WWTR1: variants seen among roughly 807,000 people sequenced by gnomAD.
WWTR1 encodes WW domain containing transcription regulator 1.
In WWTR1, 13 loss-of-function variants were observed where a neutral mutation model predicts 40.1. That is an observed-to-expected ratio of 0.32 (90% confidence interval 0.21 to 0.52). The LOEUF (loss-of-function observed/expected upper bound fraction) is 0.52. Ranked by LOEUF, WWTR1 falls within the 20% of genes least tolerant of loss-of-function variation. The pLI is 0.97. For synonymous variants in WWTR1, 230 were observed against 210.1 expected, an observed-to-expected ratio of 1.09 and a Z score of -0.82; for missense variants, 436 against 523.1, an observed-to-expected ratio of 0.83 and a Z score of 1.63.
At chr3:149,553,034 G>A (rs961491488) in intron 3 of WWTR1, among the ~76,000 whole-genome samples, 4 of 152,184 alleles carry the variant, frequency 2.6e-5, no homozygotes, top group African/African-American at 9.6e-5. Context: ...TGAACACTAA[G>A]GTTAGCTTCT....
chr3:149,673,602 C>T (rs1384203885), intron 1 of WWTR1, among the ~76,000 whole-genome samples: 2 of 152,180 alleles, frequency 1.3e-5, no homozygotes, highest in Non-Finnish European at 2.9e-5. Context: ...GCATCTGCTG[C>T]TCAGAGACAT....
intron 1 of WWTR1, among the ~76,000 whole-genome samples, chr3:149,685,175 C>T (rs567627190): frequency 4.6e-4 from 70 of 152,226 alleles, no homozygotes; most frequent in Non-Finnish European, 9.6e-4. Context: ...GCTGTTCAAC[C>T]AGAACTCTCA....
intron 2 of WWTR1, among the ~76,000 whole-genome samples, chr3:149,636,260 T>A (rs1000375441): frequency 6.6e-6 from 1 of 152,222 alleles, no homozygotes; most frequent in Non-Finnish European, 1.5e-5. Flanking sequence ...ATCCACTTAA[T>A]TAGTTTTGTT....
At chr3:149,674,781 C>T (rs1394118281) in intron 1 of WWTR1, among the ~76,000 whole-genome samples, 1 of 136,520 alleles carries the variant, frequency 7.3e-6, no homozygotes, top group African/African-American at 2.7e-5. Flanking sequence ...TAAGACCACA[C>T]GTCCATGTTT....
chr3:149,648,284 G>C (rs1712647917), intron 2 of WWTR1, among the ~76,000 whole-genome samples: 1 of 152,130 alleles, frequency 6.6e-6, no homozygotes, highest in Non-Finnish European at 1.5e-5. Context: ...AGTTTACAAT[G>C]AAAATGGCTA....
chr3:149,576,860 A>G (rs1284955297), intron 2 of WWTR1, among the ~76,000 whole-genome samples: 2 of 152,192 alleles, frequency 1.3e-5, no homozygotes, highest in East Asian at 1.9e-4. Context: ...GTACAAAAAG[A>G]CAAAAAAGAA....
intron 2 of WWTR1, among the ~76,000 whole-genome samples, chr3:149,608,805 C>T (rs1055187513): frequency 6.6e-6 from 1 of 152,066 alleles, no homozygotes; most frequent in African/African-American, 2.4e-5. Context: ...ATAATCTCAG[C>T]ACTTTGGGAG....
intron 3 of WWTR1, among the ~76,000 whole-genome samples, chr3:149,549,839 AAAAAAACAAAAAAC>A (rs920477438): frequency 3.3e-5 from 5 of 152,088 alleles, no homozygotes; most frequent in Non-Finnish European, 7.4e-5. Flanking sequence ...ACCTTGTCTC[AAAAAAACAAAAAAC>A]AAAAAACAAA....
chr3:149,623,512 T>A (rs1032881627), intron 2 of WWTR1, among the ~76,000 whole-genome samples: 1 of 152,218 alleles, frequency 6.6e-6, no homozygotes, highest in African/African-American at 2.4e-5. Context: ...ATGATGCCAT[T>A]AGCTGTGAAA....
chr3:149,543,514 G>A (rs1486333763), intron 3 of WWTR1, among the ~76,000 whole-genome samples: 10 of 130,790 alleles, frequency 7.6e-5, no homozygotes, highest in East Asian at 5.2e-4. Flanking sequence ...CCCGGGAGGC[G>A]GAGGTTGCAG....
chr3:149,523,063 A>AT (rs1038947908), intron 6 of WWTR1, among the ~76,000 whole-genome samples: 7 of 100,726 alleles, frequency 6.9e-5, no homozygotes, highest in East Asian at 6.4e-4. Context: ...GAGACCCCGT[A>AT]TTAAAAAAAA....
intron 2 of WWTR1, among the ~76,000 whole-genome samples, chr3:149,587,643 C>T (rs1414370418): frequency 6.6e-6 from 1 of 152,152 alleles, no homozygotes; most frequent in East Asian, 1.9e-4. Flanking sequence ...AACTGGCAAC[C>T]TCCAAATAAG....
At position 149,582,186 on chromosome 3, in the gene WWTR1, C is replaced by T. The variant is rs533933859; in HGVS notation, c.432-9186G>A. Reference sequence around the variant, plus strand: ...ACCCCGTCATATGCTGCACGCACCCCAACAGCACCCGGCCCTGGCAAGCCT... The same window carrying T: ...ACCCCGTCATATGCTGCACGCACCCTAACAGCACCCGGCCCTGGCAAGCCT... On this transcript the variant is annotated intron_variant, in intron 2 of 6. Transcript: ENST00000360632. Among the ~76,000 whole-genome samples, 4 of 152,102 alleles carry T rather than the reference C, an allele frequency of 2.6e-5. No individual in the cohort carries two copies. In the East Asian group the frequency reaches 7.8e-4, roughly 30 times the overall value.
At chr3:149,643,589 T>C (rs1712317812) in intron 2 of WWTR1, among the ~76,000 whole-genome samples, 1 of 152,194 alleles carries the variant, frequency 6.6e-6, no homozygotes, top group South Asian at 2.1e-4. Context: ...AGAGACACTA[T>C]AGGTTATATG....
chr3:149,713,343 C>T (rs2108232348), intron 5 of WWTR1, among the ~76,000 whole-genome samples: 1 of 151,886 alleles, frequency 6.6e-6, no homozygotes, highest in South Asian at 2.1e-4. Flanking sequence ...TAATGTACAT[C>T]TTGAATTTTT....
intron 2 of WWTR1, among the ~76,000 whole-genome samples, chr3:149,616,569 A>G (rs1458651722): frequency 6.6e-6 from 1 of 151,558 alleles, no homozygotes; most frequent in African/African-American, 2.4e-5. Context: ...CAGCCTCCTG[A>G]GTAGCTGGGA....
chr3:149,668,128 G>C (rs1030922800), intron 2 of WWTR1, among the ~76,000 whole-genome samples: 1 of 152,160 alleles, frequency 6.6e-6, no homozygotes, highest in Admixed American at 6.5e-5. Context: ...ATGGCTTTTA[G>C]GGAAAGAAGC....
At chr3:149,603,464 C>CTTTA (rs1224901768) in intron 2 of WWTR1, among the ~76,000 whole-genome samples, 1 of 152,004 alleles carries the variant, frequency 6.6e-6, no homozygotes. Context: ...CATAAAAACA[C>CTTTA]TGCTTTATGA....
chr3:149,599,394 G>A (rs558294971), intron 2 of WWTR1, among the ~76,000 whole-genome samples: 30 of 152,348 alleles, frequency 2.0e-4, no homozygotes, highest in Non-Finnish European at 4.0e-4. Context: ...AGGAAATCCC[G>A]CCAGACAGGC....
Sources: gnomAD v4.1 joint callset for allele counts (sites outside exome capture counted in the v4.1 genomes callset) on GRCh38, gnomAD v4.1.1 for gene constraint, MANE v1.5 for transcripts, NCBI Gene and HGNC (gene_info 2026-07-23, HGNC 2026-07-21) for gene names.